Variants in CSMD2 observed in about 807,000 individuals in gnomAD.
CSMD2 encodes the protein CUB and Sushi multiple domains 2.
A neutral mutation model predicts 398.5 loss-of-function variants in CSMD2; 130 were observed. That is an observed-to-expected ratio of 0.33 (90% CI 0.28 to 0.38). The LOEUF (loss-of-function observed/expected upper bound fraction) is 0.38. Ranked by LOEUF, CSMD2 falls within the 10% of genes least tolerant of loss-of-function variation. The pLI is 1.00. For synonymous variants in CSMD2, 1,828 were observed against 1,908.5 expected (o/e 0.96, Z 1.10); for missense variants, 3,829 against 4,764.9 (o/e 0.80, Z 5.78).
At chr1:33,988,305 T>C (rs1244961783) in intron 3 of CSMD2, among the ~76,000 whole-genome samples, 1 of 152,170 alleles carries the variant, frequency 6.6e-6, no homozygotes, top group African/African-American at 2.4e-5. Context: ...GCACATGAGC[T>C]CTGCAGAGGG....
intron 1 of CSMD2, among the ~76,000 whole-genome samples, chr1:34,159,335 C>G (rs549099264): frequency 9.9e-5 from 8 of 81,054 alleles, no homozygotes; most frequent in African/African-American, 1.9e-4. Flanking sequence ...CCTGCCCCCC[C>G]CCCACCCAGG....
intron 2 of CSMD2, 39 bp downstream of exon 2, chr1:34,088,938 C>T (rs1658230934): frequency 6.4e-7 from 1 of 1,555,052 alleles, no homozygotes; most frequent in Non-Finnish European, 8.9e-7. Context: ...TGGCTCATAG[C>T]CCAGCTGTTT....
chr1:33,779,980 A>G (rs1652503940), intron 12 of CSMD2, among the ~76,000 whole-genome samples: 1 of 152,206 alleles, frequency 6.6e-6, no homozygotes, highest in African/African-American at 2.4e-5. Context: ...CGTAGAGTCT[A>G]GAGAAGAGCT....
At chr1:33,581,354 T>TAAAAAAAAA (rs35599517) in intron 47 of CSMD2, among the ~76,000 whole-genome samples, 2 of 84,218 alleles carry the variant, frequency 2.4e-5, no homozygotes, top group African/African-American at 4.5e-5. Flanking sequence ...CCATCTTTAC[T>TAAAAAAAAA]AAAAAAAAAA....
intron 19 of CSMD2, among the ~76,000 whole-genome samples, chr1:33,720,874 T>C (rs1557786844): frequency 1.3e-5 from 2 of 152,146 alleles, no homozygotes. Context: ...ATTTTTTTTG[T>C]ATTTTTAGTA....
intron 51 of CSMD2, among the ~76,000 whole-genome samples, chr1:33,570,937 T>C (rs1241365674): frequency 6.6e-6 from 1 of 152,132 alleles, no homozygotes; most frequent in Non-Finnish European, 1.5e-5. Flanking sequence ...TTCCCTCCTT[T>C]CCCTTCTGTA....
chr1:33,933,932 G>C (rs1287095879), intron 4 of CSMD2, among the ~76,000 whole-genome samples: 1 of 152,084 alleles, frequency 6.6e-6, no homozygotes, highest in African/African-American at 2.4e-5. Context: ...ATTGGCTGTG[G>C]CTTGCCTATT....
intron 10 of CSMD2, among the ~76,000 whole-genome samples, chr1:33,805,496 C>CAAAATA (rs1190949304): frequency 6.6e-6 from 1 of 151,794 alleles, no homozygotes; most frequent in Non-Finnish European, 1.5e-5. Context: ...TTTAAAATGA[C>CAAAATA]AAAATAAAAA....
At position 34,163,540 on chromosome 1, in the gene CSMD2, G is replaced by A. The variant is rs575796420; in HGVS notation, c.187+1371C>T. ...ACGCTGAAGGCCAGAGTGGGCCAGAGAGCTCGCCACTCACTGACCTGCCAG... is the reference window on the plus strand; with the variant it reads ...ACGCTGAAGGCCAGAGTGGGCCAGAAAGCTCGCCACTCACTGACCTGCCAG... On this transcript the variant is annotated intron_variant, in intron 1 of 70. Coordinates refer to ENST00000373381, the MANE Select transcript of CSMD2 (RefSeq NM_001281956.2). The surrounding 1 kb of genome is among the most constrained non-coding windows in gnomAD (Gnocchi z 5.4). Among the ~76,000 whole-genome samples, 11 of 152,358 alleles carry A rather than the reference G, an allele frequency of 7.2e-5. No homozygotes were observed. The highest frequency in any genetic ancestry group is 2.4e-4 in the African/African-American group (10 of 41,594).
intron 12 of CSMD2, among the ~76,000 whole-genome samples, chr1:33,783,454 TCTC>T (rs760055653): frequency 7.9e-4 from 115 of 145,414 alleles, no homozygotes; most frequent in Non-Finnish European, 1.4e-3. Context: ...TCTCTCTCTC[TCTC>T]TCTCTCTCTC....
At chr1:33,845,439 G>A (rs1661262036) in intron 6 of CSMD2, among the ~76,000 whole-genome samples, 3 of 152,346 alleles carry the variant, frequency 2.0e-5, no homozygotes, top group South Asian at 4.1e-4. Context: ...GGTTCTTGTC[G>A]CCCATTGCTG....
intron 48 of CSMD2, 88 bp from the exon 49 acceptor site, chr1:33,577,572 C>T (rs1638367447): frequency 1.7e-6 from 2 of 1,178,274 alleles, no homozygotes; most frequent in African/African-American, 1.5e-5. Context: ...TTTCGTCTCC[C>T]CCCCATCCCC....
intron 5 of CSMD2, chr1:33,863,718 T>C (rs1373115086): frequency 6.3e-6 from 1 of 157,596 alleles, no homozygotes; most frequent in Non-Finnish European, 1.4e-5. Flanking sequence ...AGCCTGTCTT[T>C]GGAAGGGATG....
chr1:34,109,512 GTT>G (rs1396814197), intron 1 of CSMD2, among the ~76,000 whole-genome samples: 1 of 152,088 alleles, frequency 6.6e-6, no homozygotes, highest in African/African-American at 2.4e-5. Context: ...GTCCCCCAGA[GTT>G]TTTACAGTTT....
intron 37 of CSMD2, among the ~76,000 whole-genome samples, chr1:33,619,152 G>A (rs576921762): frequency 6.6e-6 from 1 of 152,378 alleles, no homozygotes; most frequent in South Asian, 2.1e-4. Flanking sequence ...AGGGCCAGAA[G>A]ACTCATGAGG....
intron 43 of CSMD2, among the ~76,000 whole-genome samples, chr1:33,601,306 C>T (rs952161792): frequency 3.3e-5 from 5 of 152,134 alleles, no homozygotes; most frequent in African/African-American, 1.2e-4. Flanking sequence ...TGGGTCTTAC[C>T]ACAGGTCCTC....
Position 33,624,934 on chromosome 1 carries a change from C to T in CSMD2, c.5500+117G>A, listed in dbSNP as rs995942686. The T allele has an allele frequency of 1.9e-5, 20 of 1,071,108 alleles. 1 individual carries two copies. The highest frequency in any genetic ancestry group is 8.6e-5 in the South Asian group (6 of 69,854). The allele number at this position is 1,071,108 out of a possible 1,614,324, so 66.4% of individuals were successfully genotyped here. A position where few individuals can be genotyped will look rare whatever the true frequency, so the allele number is the denominator to read the frequency against. On this transcript the variant is annotated intron_variant, in intron 34 of 70. Transcript: ENST00000373381. This position sits in a 1 kb window ranked among gnomAD's most constrained non-coding sequence, Gnocchi z 4.7. ...ACTGGGACACCCCACCTCAGCCATGCGGTGGGAAGCGGCTGCTGTGTGTCG... is the reference window on the plus strand; with the variant it reads ...ACTGGGACACCCCACCTCAGCCATGTGGTGGGAAGCGGCTGCTGTGTGTCG...
chr1:33,893,325 T>C (rs956557480), intron 5 of CSMD2, among the ~76,000 whole-genome samples: 1 of 152,244 alleles, frequency 6.6e-6, no homozygotes, highest in Non-Finnish European at 1.5e-5. Context: ...GAAAGATTAG[T>C]CACTTGCCTA....
At chr1:34,052,048 T>G (rs1653233434) in intron 2 of CSMD2, among the ~76,000 whole-genome samples, 1 of 152,074 alleles carries the variant, frequency 6.6e-6, no homozygotes, top group Non-Finnish European at 1.5e-5. Context: ...TTCTCTCGTC[T>G]TCTGATGGGA....
Sources: gnomAD v4.1 joint callset for allele counts (sites outside exome capture counted in the v4.1 genomes callset) on GRCh38, gnomAD v4.1.1 for gene constraint, Gnocchi (gnomAD v3.1) non-coding constraint, MANE v1.5 for transcripts, NCBI Gene and HGNC (gene_info 2026-07-23, HGNC 2026-07-21) for gene names.